PKHD1: variants seen among roughly 807,000 people sequenced by gnomAD.
PKHD1 encodes the protein fibrocystin.
In PKHD1, 291 loss-of-function variants were observed where a neutral mutation model predicts 412.0. That is an observed-to-expected ratio of 0.71 (90% confidence interval 0.64 to 0.78). PKHD1 has a LOEUF of 0.78. PKHD1 is among the 30% of genes least tolerant of loss of function. The pLI, the probability that PKHD1 is intolerant of heterozygous loss-of-function variation, is 0.00. For missense variants in PKHD1, 4,825 were observed against 4,950.7 expected (o/e 0.97, Z 0.76); for synonymous variants, 1,777 against 1,821.5 (o/e 0.98, Z 0.62).
intron 6 of PKHD1, 61 bp downstream of exon 6, chr6:52,076,215 T>C (rs1003184197): frequency 8.3e-7 from 1 of 1,203,694 alleles, no homozygotes; most frequent in African/African-American, 1.5e-5. Context: ...TCACCTAGGT[T>C]TGCAACAAGC....
intron 52 of PKHD1, among the ~76,000 whole-genome samples, chr6:51,800,593 A>G (rs1421269495): frequency 6.6e-6 from 1 of 152,238 alleles, no homozygotes; most frequent in Non-Finnish European, 1.5e-5. Context: ...CCAGCAAAGT[A>G]GGGAATCAAG....
intron 60 of PKHD1, among the ~76,000 whole-genome samples, chr6:51,706,452 T>C (rs1458059423): frequency 2.7e-5 from 4 of 145,776 alleles, no homozygotes; most frequent in Admixed American, 7.0e-5. Context: ...GATAACTTTA[T>C]ATATATATCA....
intron 53 of PKHD1, among the ~76,000 whole-genome samples, chr6:51,781,499 T>C (rs1480330029): frequency 6.6e-6 from 1 of 152,084 alleles, no homozygotes; most frequent in Non-Finnish European, 1.5e-5. Context: ...ACTTGCAAAA[T>C]GTACAAAAAT....
intron 6 of PKHD1, among the ~76,000 whole-genome samples, chr6:52,074,947 T>G (rs918593863): frequency 3.9e-5 from 6 of 152,104 alleles, no homozygotes; most frequent in Admixed American, 2.0e-4. Flanking sequence ...GTGGAAGAAA[T>G]GGGCTTGGCA....
intron 48 of PKHD1, among the ~76,000 whole-genome samples, chr6:51,863,131 G>A (rs1477508407): frequency 6.6e-6 from 1 of 152,122 alleles, no homozygotes; most frequent in East Asian, 1.9e-4. Context: ...ACAAAAAGCG[G>A]TAAAGTAACT....
chr6:51,797,671 CT>C (rs981915669), intron 52 of PKHD1, among the ~76,000 whole-genome samples: 67 of 152,020 alleles, frequency 4.4e-4, no homozygotes, highest in Non-Finnish European at 1.5e-4. Flanking sequence ...TTCTTCATTC[CT>C]TTATTTTGAA....
At position 51,658,952 on chromosome 6, in the gene PKHD1, C is replaced by G; in HGVS notation, c.11174G>C (p.Gly3725Ala). Residue 3725 changes from glycine to alanine, a missense_variant and splice_region_variant, in exon 61 of 67, where the codon GGA becomes GCA. Gly to Ala is a moderately conservative substitution (Grantham distance 60). Transcript: ENST00000371117. Reference protein sequence around the residue: ...VTQSKGVIGYGNTSSFKTGNL... With the variant: ...VTQSKGVIGYANTSSFKTGNL... ...GGATGTGAATATAATTAGTACTTAC[C>G]CATAGCCAATGACTCCCTTTGACTG... is the stretch of plus-strand genomic sequence containing the variant. The G allele has an allele frequency of 6.2e-7, 1 of 1,600,746 alleles. No homozygotes were observed. The highest frequency in any genetic ancestry group is 8.6e-7 in the Non-Finnish European group (1 of 1,168,178).
chr6:51,645,092 T>C (rs1562012961), intron 63 of PKHD1, among the ~76,000 whole-genome samples: 1 of 152,204 alleles, frequency 6.6e-6, no homozygotes, highest in African/African-American at 2.4e-5. Context: ...TAATTTTCAG[T>C]GATTTATTGG....
chr6:51,934,353 T>A, intron 36 of PKHD1, 31 bp from the exon 37 acceptor site: 1 of 1,452,382 alleles, frequency 6.9e-7, no homozygotes, highest in Non-Finnish European at 9.7e-7. Flanking sequence ...TGTCAGTCCC[T>A]GGGAGGATAA....
chr6:51,772,813 T>C, intron 54 of PKHD1, 24 bp from the exon 55 acceptor site: 2 of 1,316,924 alleles, frequency 1.5e-6, no homozygotes, highest in Non-Finnish European at 2.2e-6. Flanking sequence ...GAGTAACAGT[T>C]GGATAGAAAA....
Position 52,050,204 on chromosome 6 carries a change from G to A in PKHD1, c.2232C>T (p.Thr744=), listed in dbSNP as rs1443176251. 29 of 1,614,104 alleles carry A rather than the reference G, an allele frequency of 1.8e-5. No homozygotes were observed. Among genetic ancestry groups the A allele is most frequent in the Non-Finnish European group, 2.5e-5 (29 of 1,180,032 alleles). Residue 744 remains threonine (T), a synonymous_variant, in exon 22 of 67, where the codon ACC becomes ACT. Coordinates refer to ENST00000371117, the MANE Select transcript of PKHD1 (RefSeq NM_138694.4). ...CCGTGCCACACCCCGCCAGCCAGGA[G>A]GTGACACTGTAGACCGGAGGGGATC... ...VVGSPPVYSV[T]SWLAGCGTEL...
At chr6:51,852,637 T>A (rs979191556) in intron 49 of PKHD1, among the ~76,000 whole-genome samples, 2 of 152,234 alleles carry the variant, frequency 1.3e-5, no homozygotes, top group African/African-American at 4.8e-5. Flanking sequence ...TCTTGTTGCA[T>A]TGTTCCCTTT....
At chr6:51,990,586 C>T (rs562710663) in intron 35 of PKHD1, among the ~76,000 whole-genome samples, 94 of 152,252 alleles carry the variant, frequency 6.2e-4, no homozygotes, top group Middle Eastern at 6.8e-3. Flanking sequence ...AAAATCAAAA[C>T]ACTTTTGTTC....
chr6:51,977,880 T>C (rs1794660704), intron 35 of PKHD1, among the ~76,000 whole-genome samples: 1 of 152,038 alleles, frequency 6.6e-6, no homozygotes. Flanking sequence ...GACAGGCAAA[T>C]GTAGATCCCA....
intron 61 of PKHD1, among the ~76,000 whole-genome samples, chr6:51,651,186 G>T (rs1043975605): frequency 6.6e-6 from 1 of 152,180 alleles, no homozygotes; most frequent in African/African-American, 2.4e-5. Flanking sequence ...AACATCTCTT[G>T]TTAAATGTAA....
chr6:51,923,122 A>T (rs1784962665), intron 37 of PKHD1, among the ~76,000 whole-genome samples: 1 of 152,216 alleles, frequency 6.6e-6, no homozygotes. Context: ...ATGGGTTCCA[A>T]GGATTAGGAC....
intron 36 of PKHD1, among the ~76,000 whole-genome samples, chr6:51,935,727 T>G (rs1417184540): frequency 6.6e-6 from 1 of 152,232 alleles, no homozygotes; most frequent in Non-Finnish European, 1.5e-5. Context: ...TACAAACATA[T>G]TGGCCTGCCT....
rs763658430 is a variant in PKHD1, at chr6:52,043,739, A to G, written c.2716-9T>C. 1.2e-6 allele frequency: 2 copies of G among 1,607,600 alleles called. No individual in the cohort carries two copies. The highest frequency in any genetic ancestry group is 1.7e-6 in the Non-Finnish European group (2 of 1,174,172). The stretch of plus-strand genomic sequence containing the variant: ...TTCACTCGCACAACCACCTGAAATG[A>G]GGCAAAATTTCTTTTCCATTTTATG... On this transcript the variant is annotated splice_polypyrimidine_tract_variant and intron_variant, in intron 25 of 66. Transcript: ENST00000371117.
At chr6:51,901,531 G>C (rs12207596) in intron 43 of PKHD1, among the ~76,000 whole-genome samples, 11,107 of 152,018 alleles carry the variant, frequency 0.073, 581 homozygotes, top group Non-Finnish European at 0.12. Flanking sequence ...GGGGTGGGGG[G>C]AGTGGGGAGG....
Sources: gnomAD v4.1 joint callset for allele counts (sites outside exome capture counted in the v4.1 genomes callset) on GRCh38, gnomAD v4.1.1 for gene constraint, MANE v1.5 for transcripts, NCBI Gene and HGNC (gene_info 2026-07-23, HGNC 2026-07-21) for gene names.